The following PHEX variants were observed in gnomAD, a reference collection of about 807,000 sequenced individuals.
PHEX encodes the protein phosphate-regulating neutral endopeptidase PHEX.
PHEX carries 16 observed loss-of-function variants against 68.0 expected under a neutral mutation model. That is an observed-to-expected ratio of 0.24 (90% confidence interval 0.16 to 0.36). The LOEUF (loss-of-function observed/expected upper bound fraction) is 0.36. Ranked by LOEUF, PHEX falls within the 10% of genes least tolerant of loss-of-function variation. The pLI, the probability that PHEX is intolerant of heterozygous loss-of-function variation, is 1.00. For missense variants in PHEX, 480 were observed against 575.5 expected (o/e 0.83, Z 1.70); for synonymous variants, 208 against 205.1 (o/e 1.01, Z -0.12).
At chrX:22,035,391 G>T (rs946486697) in intron 1 of PHEX, among the ~76,000 whole-genome samples, 1 of 111,929 alleles carries the variant, frequency 8.9e-6, no homozygotes, top group Non-Finnish European at 1.9e-5. Context: ...AATATATTTG[G>T]CTCTGTGGGC....
At chrX:22,207,681 TA>T (rs1934754712) in intron 15 of PHEX, among the ~76,000 whole-genome samples, 1 of 111,548 alleles carries the variant, frequency 9.0e-6, no homozygotes, top group Admixed American at 9.6e-5. Context: ...CTCTATTAAC[TA>T]AATTTACCTG....
chrX:22,131,624 G>C (rs1932008459), intron 11 of PHEX, among the ~76,000 whole-genome samples: 1 of 112,884 alleles, frequency 8.9e-6, no homozygotes, highest in Non-Finnish European at 1.9e-5. Flanking sequence ...TTATTGAACT[G>C]AAAACATAGC....
chrX:22,249,455 A>AAAATATATATAT lies in PHEX; in HGVS notation c.*1503_*1504insAATATATATATA. 9.8e-3 allele frequency: 389 copies of AAAATATATATAT among 39,650 alleles called. 5 individuals carry two copies. The highest frequency in any genetic ancestry group is 0.014 in the Non-Finnish European group (330 of 24,393). 3.3% of individuals were successfully genotyped at this position (39,650 alleles called of 1,213,427 possible). A position where few individuals can be genotyped will look rare whatever the true frequency, so the allele number is the denominator to read the frequency against. Reference sequence around the variant, plus strand: ...TTGTGATTCTTTTAAAAAAAAAAAAAATATATATATATATATATATATATA... The same window carrying AAAATATATATAT: ...TTGTGATTCTTTTAAAAAAAAAAAAAAAATATATATATATATATATATATATATATATATATA... On this transcript the variant is annotated 3_prime_UTR_variant, in exon 22 of 22. Coordinates refer to ENST00000379374, the MANE Select transcript of PHEX (RefSeq NM_000444.6).
At chrX:22,131,397 C>G (rs929836948) in intron 11 of PHEX, among the ~76,000 whole-genome samples, 1 of 112,641 alleles carries the variant, frequency 8.9e-6, no homozygotes, top group African/African-American at 3.2e-5. Flanking sequence ...AGTTAAGAAC[C>G]ACCGACTTAA....
At chrX:22,164,872 T>A (rs766606878) in intron 12 of PHEX, among the ~76,000 whole-genome samples, 2 of 112,239 alleles carry the variant, frequency 1.8e-5, no homozygotes, top group African/African-American at 6.5e-5. Context: ...TAACCTCTAG[T>A]TATCTGCTAT....
chrX:22,218,977 G>C (rs1401893110), intron 16 of PHEX, 59 bp from the exon 17 acceptor site: 1 of 818,342 alleles, frequency 1.2e-6, no homozygotes, highest in Non-Finnish European at 1.9e-6. Flanking sequence ...AAAAATTAAA[G>C]GATTATGCTC....
chrX:22,162,398 G>A (rs906406218), intron 12 of PHEX, among the ~76,000 whole-genome samples: 1 of 112,172 alleles, frequency 8.9e-6, no homozygotes, highest in African/African-American at 3.2e-5. Context: ...CTAAAAGAGT[G>A]ACATTATTTC....
At chrX:22,108,019 A>T (rs1041263167) in intron 9 of PHEX, among the ~76,000 whole-genome samples, 2 of 112,066 alleles carry the variant, frequency 1.8e-5, no homozygotes, top group Non-Finnish European at 3.8e-5. Flanking sequence ...CTCTAACTGT[A>T]GGTGCTGGGT....
intron 13 of PHEX, among the ~76,000 whole-genome samples, chrX:22,176,907 C>G (rs1569419576): frequency 9.0e-6 from 1 of 111,301 alleles, no homozygotes; most frequent in Non-Finnish European, 1.9e-5. Flanking sequence ...TTATCAGCCC[C>G]TCTTCCCTGA....
chrX:22,126,765 T>G (rs1931740848), intron 11 of PHEX, among the ~76,000 whole-genome samples: 1 of 110,465 alleles, frequency 9.1e-6, no homozygotes, highest in South Asian at 3.9e-4. Flanking sequence ...GAACCTATTT[T>G]TAGATAACAC....
At chrX:22,037,914 A>T (rs1285427912) in intron 1 of PHEX, among the ~76,000 whole-genome samples, 2 of 111,950 alleles carry the variant, frequency 1.8e-5, no homozygotes, top group African/African-American at 6.5e-5. Flanking sequence ...GCTCCAAATG[A>T]CATAGTTTAA....
chrX:22,222,871 C>T (rs1357255224), intron 18 of PHEX, among the ~76,000 whole-genome samples: 2 of 111,738 alleles, frequency 1.8e-5, no homozygotes, highest in African/African-American at 3.3e-5. Context: ...TTAAAATCCA[C>T]GGTAGAGTCT....
chrX:22,091,441 T>G (rs898399400), intron 6 of PHEX, among the ~76,000 whole-genome samples: 5 of 112,109 alleles, frequency 4.5e-5, no homozygotes, highest in Non-Finnish European at 9.4e-5. Flanking sequence ...TTGGTCCCTC[T>G]TTTCTATCCT....
intron 9 of PHEX, among the ~76,000 whole-genome samples, chrX:22,102,022 A>C (rs1478595635): frequency 1.8e-5 from 2 of 111,758 alleles, no homozygotes; most frequent in South Asian, 3.8e-4. Flanking sequence ...AATCACATCA[A>C]GGTAAATGGG....
chrX:22,240,859 T>G (rs1268224117), intron 20 of PHEX, among the ~76,000 whole-genome samples: 1 of 110,868 alleles, frequency 9.0e-6, no homozygotes, highest in Admixed American at 9.6e-5. Context: ...ACTAGACAGA[T>G]TGAGACAAAA....
chrX:22,184,829 A>T (rs1483294790), intron 14 of PHEX, among the ~76,000 whole-genome samples: 2 of 112,045 alleles, frequency 1.8e-5, no homozygotes, highest in African/African-American at 3.2e-5. Flanking sequence ...AAATGCATTA[A>T]ATGTCTTTAT....
At chrX:22,169,462 T>C (rs1426954897) in intron 13 of PHEX, among the ~76,000 whole-genome samples, 2 of 112,460 alleles carry the variant, frequency 1.8e-5, no homozygotes, top group Non-Finnish European at 3.7e-5. Flanking sequence ...CTTCAGTGAT[T>C]CTGTGAAATA....
intron 12 of PHEX, among the ~76,000 whole-genome samples, chrX:22,149,979 G>GC (rs1602339094): frequency 1.8e-5 from 2 of 110,647 alleles, no homozygotes; most frequent in African/African-American, 6.6e-5. Flanking sequence ...TCTTCCCCAA[G>GC]CCCCCCTCAT....
chrX:22,037,699 G>C (rs1008622155), intron 1 of PHEX, among the ~76,000 whole-genome samples: 1 of 111,094 alleles, frequency 9.0e-6, no homozygotes, highest in African/African-American at 3.3e-5. Context: ...CAAATGTCTG[G>C]TAGCTAAGCT....
Sources: allele counts gnomAD v4.1 joint callset (sites outside exome capture counted in the v4.1 genomes callset), GRCh38; gene constraint gnomAD v4.1.1; transcripts MANE v1.5; gene names NCBI Gene and HGNC (gene_info 2026-07-23, HGNC 2026-07-21).